Variants in RAD51C observed in about 807,000 individuals in gnomAD.
RAD51C encodes the protein DNA repair protein RAD51 homolog 3.
RAD51C carries 42 observed loss-of-function variants against 45.0 expected under a neutral mutation model. That is an observed-to-expected ratio of 0.93 (90% CI 0.73 to 1.21). RAD51C has a LOEUF of 1.21. Among genes scored for constraint, RAD51C ranks in the 50% most tolerant of loss-of-function variants. The pLI is 0.00. For synonymous variants in RAD51C, 172 were observed against 159.8 expected, an observed-to-expected ratio of 1.08 and a Z score of -0.58; for missense variants, 474 against 452.2, an observed-to-expected ratio of 1.05 and a Z score of -0.44.
intron 7 of RAD51C, among the ~76,000 whole-genome samples, chr17:58,725,475 A>G (rs1364271694): frequency 6.6e-6 from 1 of 152,318 alleles, no homozygotes; most frequent in Admixed American, 6.5e-5. Flanking sequence ...TCTTCAGACT[A>G]TAATTAAATA....
At chr17:58,710,035 T>C (rs1233643195) in intron 5 of RAD51C, 45 bp downstream of exon 5, 1 of 1,560,038 alleles carries the variant, frequency 6.4e-7, no homozygotes, top group African/African-American at 1.4e-5. Context: ...AAGTCAAGAC[T>C]GTATAAAATG....
At chr17:58,730,840 G>A (rs1426299756) in intron 7 of RAD51C, among the ~76,000 whole-genome samples, 1 of 151,976 alleles carries the variant, frequency 6.6e-6, no homozygotes, top group Non-Finnish European at 1.5e-5. Context: ...ATAGTTCACT[G>A]GCATTAGGTA....
At chr17:58,720,641 T>A (rs2048885560) in intron 5 of RAD51C, 105 bp from the exon 6 acceptor site, 10 of 827,956 alleles carry the variant, frequency 1.2e-5, no homozygotes, top group Non-Finnish European at 2.0e-5. Flanking sequence ...TCTGGTTAAT[T>A]TTTGTATTTT....
chr17:58,694,546 T>C, intron 1 of RAD51C: 1 of 255,084 alleles, frequency 3.9e-6, no homozygotes, highest in Non-Finnish European at 7.8e-6. Flanking sequence ...AGTGGTGCGA[T>C]CCAGGCTGGA....
intron 7 of RAD51C, among the ~76,000 whole-genome samples, chr17:58,726,468 G>C (rs1045227913): frequency 8.2e-6 from 1 of 121,680 alleles, no homozygotes; most frequent in Non-Finnish European, 2.0e-5. Flanking sequence ...GTATATATGT[G>C]TATACGTATA....
At chr17:58,697,528 T>C (rs2048059727) in intron 3 of RAD51C, among the ~76,000 whole-genome samples, 1 of 124,958 alleles carries the variant, frequency 8.0e-6, no homozygotes, top group Non-Finnish European at 1.6e-5. Flanking sequence ...AGAGTGAGAC[T>C]ACTCTGTCTC....
intron 5 of RAD51C, among the ~76,000 whole-genome samples, chr17:58,713,160 T>G (rs2048616837): frequency 6.6e-6 from 1 of 152,174 alleles, no homozygotes; most frequent in South Asian, 2.1e-4. Flanking sequence ...TGAGGTCATA[T>G]TATACATGCT....
rs1567798842 is a variant in RAD51C at position 58,709,174 on chromosome 17, G to A, written c.706-685G>A. Among the ~76,000 whole-genome samples the A allele has an allele frequency of 2.0e-5, 3 of 149,560 alleles. No individual in the cohort carries two copies. The Admixed American group carries it at 2.0e-4, about 10-fold the overall frequency. On this transcript the variant is annotated intron_variant, in intron 4 of 8. Transcript: ENST00000337432. The stretch of plus-strand genomic sequence containing the variant: ...CAGTGGCGCAACCTCTGCCACCAGG[G>A]TTCAAGAGATTCTCCTGCCTCAGCC...
intron 6 of RAD51C, among the ~76,000 whole-genome samples, chr17:58,723,254 G>A (rs1334773924): frequency 6.6e-6 from 1 of 151,574 alleles, no homozygotes; most frequent in Non-Finnish European, 1.5e-5. Context: ...CACTGTGTCT[G>A]CATGATATGA....
At chr17:58,702,452 G>A (rs980575593) in intron 3 of RAD51C, among the ~76,000 whole-genome samples, 1 of 152,038 alleles carries the variant, frequency 6.6e-6, no homozygotes, top group Non-Finnish European at 1.5e-5. Flanking sequence ...CGTGAATTTG[G>A]GAAGCTGAGG....
At chr17:58,705,283 C>T (rs1168444846) in intron 4 of RAD51C, among the ~76,000 whole-genome samples, 9 of 151,524 alleles carry the variant, frequency 5.9e-5, no homozygotes, top group Non-Finnish European at 1.5e-5. Context: ...TTCTCTGTGT[C>T]CTCATATGAT....
chr17:58,700,846 A>G (rs2048188662), intron 3 of RAD51C, among the ~76,000 whole-genome samples: 1 of 152,172 alleles, frequency 6.6e-6, no homozygotes, highest in Admixed American at 6.5e-5. Context: ...ATTTTAAAAT[A>G]TAGCTTCTTG....
In RAD51C at chr17:58,720,426, AT is replaced by A. The variant is rs34147850; in HGVS notation, c.838-319del. 0.23 allele frequency among the ~76,000 whole-genome samples: 34,354 copies of A among 147,770 alleles called. 4,387 individuals carry two copies. The highest frequency in any genetic ancestry group is 0.4 in the Middle Eastern group (114 of 282). The stretch of plus-strand genomic sequence containing the variant: ...GCGAGACTCTGTCTCAAAAAAAAAA[AT>A]AAAATAAAAAATAAAATCACAAGAC... On this transcript the variant is annotated intron_variant, in intron 5 of 8. Coordinates refer to ENST00000337432, the MANE Select transcript of RAD51C (RefSeq NM_058216.3).
chr17:58,733,880 A>G (rs1243595165), intron 8 of RAD51C, among the ~76,000 whole-genome samples: 1 of 151,982 alleles, frequency 6.6e-6, no homozygotes, highest in Non-Finnish European at 1.5e-5. Flanking sequence ...CACCATGCCC[A>G]GCTAATTTTT....
intron 4 of RAD51C, among the ~76,000 whole-genome samples, chr17:58,703,660 C>A (rs189700248): frequency 6.6e-6 from 1 of 152,046 alleles, no homozygotes; most frequent in African/African-American, 2.4e-5. Context: ...TGCCTCTCCC[C>A]AAAGGTGATC....
chr17:58,719,264 G>T (rs897445065), intron 5 of RAD51C, among the ~76,000 whole-genome samples: 1 of 151,988 alleles, frequency 6.6e-6, no homozygotes, highest in Non-Finnish European at 1.5e-5. Flanking sequence ...TCAGGCTGGG[G>T]TACGGTGACA....
At chr17:58,724,864 A>C (rs1372457533) in intron 7 of RAD51C, among the ~76,000 whole-genome samples, 1 of 152,174 alleles carries the variant, frequency 6.6e-6, no homozygotes, top group Non-Finnish European at 1.5e-5. Flanking sequence ...AGAAATTAAA[A>C]TGGCATGTGG....
upstream of RAD51C, chr17:58,692,598 G>C: frequency 6.2e-7 from 1 of 1,611,872 alleles, no homozygotes; most frequent in East Asian, 2.2e-5. Context: ...GCCCCAGCGA[G>C]GGCGTGCGGA....
chr17:58,718,129 TG>T (rs1427588047), intron 5 of RAD51C, among the ~76,000 whole-genome samples: 3 of 152,118 alleles, frequency 2.0e-5, no homozygotes, highest in Non-Finnish European at 4.4e-5. Context: ...CCCGAGTAGC[TG>T]GGGTTACAGG....
Sources: allele counts gnomAD v4.1 joint callset (sites outside exome capture counted in the v4.1 genomes callset), GRCh38; gene constraint gnomAD v4.1.1; transcripts MANE v1.5; gene names NCBI Gene and HGNC (gene_info 2026-07-23, HGNC 2026-07-21).